ADTRP: variants seen among roughly 807,000 people sequenced by gnomAD.
The protein encoded by ADTRP is androgen-dependent TFPI-regulating protein.
Under a neutral mutation model 27.0 loss-of-function variants are expected in ADTRP, and 20 were observed. The observed-to-expected ratio is 0.74, with a 90% CI of 0.52 to 1.08. ADTRP has a LOEUF of 1.08. Among genes scored for constraint, ADTRP ranks in the 50% least tolerant of loss-of-function variants. The pLI is 0.00. For missense variants in ADTRP, 251 were observed against 275.0 expected (o/e 0.91, Z 0.62); for synonymous variants, 101 against 105.2 (o/e 0.96, Z 0.25).
chr6:11,760,463 C>T (rs536577135), intron 3 of ADTRP, among the ~76,000 whole-genome samples: 49 of 152,292 alleles, frequency 3.2e-4, no homozygotes, highest in African/African-American at 1.2e-3. Context: ...AGCTCACTGG[C>T]ACCTCCTTCA....
At chr6:11,723,328 C>T (rs771824465) in intron 5 of ADTRP, 21 bp downstream of exon 5, 15 of 1,612,140 alleles carry the variant, frequency 9.3e-6, no homozygotes, top group Non-Finnish European at 1.1e-5. Flanking sequence ...GCATCTGTAG[C>T]TAAGAAAGAA....
At chr6:11,721,259 G>A (rs911691601) in intron 5 of ADTRP, among the ~76,000 whole-genome samples, 1 of 152,178 alleles carries the variant, frequency 6.6e-6, no homozygotes, top group African/African-American at 2.4e-5. Context: ...CAACATCAAC[G>A]TGGAGGGAAA....
At chr6:11,766,423 C>G in intron 2 of ADTRP, 48 bp from the exon 3 acceptor site, 12 of 1,389,672 alleles carry the variant, frequency 8.6e-6, no homozygotes, top group Non-Finnish European at 1.2e-5. Flanking sequence ...TGTTTTTAAT[C>G]AGAGCTTTCT....
At chr6:11,716,204 T>C (rs1451465976) in intron 5 of ADTRP, among the ~76,000 whole-genome samples, 4 of 152,198 alleles carry the variant, frequency 2.6e-5, no homozygotes, top group Non-Finnish European at 2.9e-5. Flanking sequence ...CCTAAAACTT[T>C]CTTTTATCCA....
At chr6:11,776,255 C>T (rs751024873) in intron 1 of ADTRP, among the ~76,000 whole-genome samples, 12 of 152,146 alleles carry the variant, frequency 7.9e-5, no homozygotes, top group Non-Finnish European at 1.5e-4. Flanking sequence ...AGCTTATTTA[C>T]GAGGGCCAGA....
Position 11,720,263 on chromosome 6 carries a change from A to T in ADTRP, c.658+3086T>A, listed in dbSNP as rs374038733. Among the ~76,000 whole-genome samples, 3 of 152,314 alleles carry T rather than the reference A, an allele frequency of 2.0e-5. No homozygotes were observed. The East Asian group carries it at 5.8e-4, about 29-fold the overall frequency. On this transcript the variant is annotated intron_variant, in intron 5 of 5. Coordinates refer to ENST00000414691, the MANE Select transcript of ADTRP (RefSeq NM_032744.4). ...GTTTCCAGAACTGAAGATCTGGAGA[A>T]AGGCTCACTAGTAGGGGAACCAGTC...
intron 3 of ADTRP, among the ~76,000 whole-genome samples, chr6:11,746,822 C>G (rs1762879630): frequency 6.6e-6 from 1 of 152,150 alleles, no homozygotes; most frequent in Non-Finnish European, 1.5e-5. Context: ...GTCCTTCCTT[C>G]CAGGCTAAGT....
chr6:11,768,644 G>A (rs1373068784), intron 1 of ADTRP, among the ~76,000 whole-genome samples: 1 of 152,140 alleles, frequency 6.6e-6, no homozygotes, highest in Non-Finnish European at 1.5e-5. Flanking sequence ...AGCTAACATG[G>A]AAACAAAATA....
At chr6:11,723,630 G>A (rs1762090130) in intron 4 of ADTRP, 130 bp from the exon 5 acceptor site, 2 of 1,027,864 alleles carry the variant, frequency 1.9e-6, no homozygotes, top group South Asian at 3.2e-5. Flanking sequence ...GTCAACAGCT[G>A]TAGTATTCCC....
chr6:11,756,859 T>C (rs569786177), intron 3 of ADTRP, among the ~76,000 whole-genome samples: 1 of 152,348 alleles, frequency 6.6e-6, no homozygotes, highest in African/African-American at 2.4e-5. Flanking sequence ...TTTCCTCTTC[T>C]GCAAGGTGAG....
chr6:11,766,944 C>T (rs1308379710), intron 2 of ADTRP, among the ~76,000 whole-genome samples: 4 of 152,206 alleles, frequency 2.6e-5, no homozygotes, highest in African/African-American at 7.2e-5. Flanking sequence ...AAGCATCTAT[C>T]CTCTATGCTA....
At chr6:11,738,748 A>G (rs1423472536) in intron 3 of ADTRP, 2 of 152,258 alleles carry the variant, frequency 1.3e-5, no homozygotes, top group African/African-American at 4.8e-5. Flanking sequence ...TTTGCAAGTG[A>G]CATTCAATTG....
chr6:11,754,540 A>T (rs2113295287), intron 3 of ADTRP, among the ~76,000 whole-genome samples: 2 of 152,350 alleles, frequency 1.3e-5, no homozygotes, highest in African/African-American at 4.8e-5. Flanking sequence ...AAGTGTAATT[A>T]CACTATCAAG....
chr6:11,770,883 G>T (rs1032283806), intron 1 of ADTRP, among the ~76,000 whole-genome samples: 3 of 152,160 alleles, frequency 2.0e-5, no homozygotes, highest in Non-Finnish European at 2.9e-5. Context: ...GCAGGCACAG[G>T]CTTGGGCCCA....
At chr6:11,735,744 T>C (rs1762528608) in intron 3 of ADTRP, 61 bp from the exon 4 acceptor site, 5 of 1,117,832 alleles carry the variant, frequency 4.5e-6, no homozygotes, top group Non-Finnish European at 6.8e-6. Flanking sequence ...ACAGTGCCCA[T>C]AATTCTCTGT....
chr6:11,752,096 T>C (rs1763073106), intron 3 of ADTRP, among the ~76,000 whole-genome samples: 3 of 152,232 alleles, frequency 2.0e-5, no homozygotes, highest in African/African-American at 7.2e-5. Flanking sequence ...TTTGCATACA[T>C]TCTGGGAAAT....
intron 1 of ADTRP, among the ~76,000 whole-genome samples, chr6:11,774,392 C>T (rs1581375738): frequency 1.3e-5 from 2 of 151,978 alleles, no homozygotes; most frequent in African/African-American, 2.4e-5. Flanking sequence ...AAGTGGGTGC[C>T]ATACTATAAA....
At chr6:11,746,342 C>T (rs984724955) in intron 3 of ADTRP, among the ~76,000 whole-genome samples, 2 of 152,246 alleles carry the variant, frequency 1.3e-5, no homozygotes, top group South Asian at 2.1e-4. Context: ...TAGGAGAAAG[C>T]GCTGTGGAGA....
intron 1 of ADTRP, among the ~76,000 whole-genome samples, chr6:11,777,658 GGC>G (rs1315434960): frequency 6.6e-6 from 1 of 152,146 alleles, no homozygotes; most frequent in Non-Finnish European, 1.5e-5. Flanking sequence ...CAAATCAAGA[GGC>G]CACTAACCAA....
Sources: gnomAD v4.1 joint callset for allele counts (sites outside exome capture counted in the v4.1 genomes callset) on GRCh38, gnomAD v4.1.1 for gene constraint, MANE v1.5 for transcripts, NCBI Gene and HGNC (gene_info 2026-07-23, HGNC 2026-07-21) for gene names.